The following CCDC7 variants were observed in gnomAD, a reference collection of about 807,000 sequenced individuals.
CCDC7 encodes coiled-coil domain-containing protein 7.
A neutral mutation model predicts 196.9 loss-of-function variants in CCDC7; 183 were observed. The ratio of observed to expected loss-of-function variants is 0.93; its 90% confidence interval spans 0.82 to 1.05. The LOEUF is 1.05. CCDC7 is among the 50% of genes least tolerant of loss of function. CCDC7 has a pLI of 0.00. For missense variants in CCDC7, 1,540 were observed against 1,482.2 expected (o/e 1.04, Z -0.64); for synonymous variants, 525 against 484.6 (o/e 1.08, Z -1.10).
intron 20 of CCDC7, among the ~76,000 whole-genome samples, chr10:32,652,444 A>T (rs1236761014): frequency 6.6e-6 from 1 of 151,734 alleles, no homozygotes; most frequent in Non-Finnish European, 1.5e-5. Context: ...CTTACTATTG[A>T]TATTTTGTTG....
At chr10:32,670,368 T>C (rs2073810190) in intron 21 of CCDC7, among the ~76,000 whole-genome samples, 1 of 151,928 alleles carries the variant, frequency 6.6e-6, no homozygotes, top group South Asian at 2.1e-4. Flanking sequence ...TTTCCTATAC[T>C]TTTATTTACT....
intron 8 of CCDC7, 121 bp from the exon 10 acceptor site, chr10:32,491,801 C>G (rs2042194211): frequency 1.2e-6 from 1 of 862,402 alleles, no homozygotes; most frequent in Non-Finnish European, 1.6e-6. Context: ...AGTCATGTAG[C>G]CCATGCTAGC....
intron 29 of CCDC7, 144 bp from the exon 31 acceptor site, chr10:32,804,871 G>A: frequency 1.7e-6 from 1 of 581,152 alleles, no homozygotes; most frequent in Non-Finnish European, 3.1e-6. Flanking sequence ...TAGTGATTTG[G>A]CAATTCAGAC....
intron 18 of CCDC7, among the ~76,000 whole-genome samples, chr10:32,587,390 G>A (rs749518862): frequency 1.3e-5 from 2 of 152,180 alleles, no homozygotes; most frequent in Non-Finnish European, 2.9e-5. Context: ...GGGTGAGAGA[G>A]CATGAGAGAG....
At position 32,511,267 on chromosome 10, in the gene CCDC7, G is replaced by GGT. The variant is rs1231084122; in HGVS notation, c.873-6677_873-6676insTG. The GGT allele has an allele frequency of 3.6e-5, 20 of 553,510 alleles. 4 individuals carry two copies. Among genetic ancestry groups the GGT allele is most frequent in the South Asian group, 2.8e-4 (12 of 43,206 alleles). The allele number at this position is 553,510 out of a possible 1,614,324, so 34.3% of individuals were successfully genotyped here. A position where few individuals can be genotyped will look rare whatever the true frequency, so the allele number is the denominator to read the frequency against. ...AGAATTATTCTGTGGGGGGCGGGGG[G>GGT]GGCGGGGAAATGTACTTTTTGAATA... is the stretch of plus-strand genomic sequence containing the variant. On this transcript the variant is annotated intron_variant, in intron 9 of 41. Transcript: ENST00000639629.
chr10:32,495,274 T>C (rs2042740005), intron 9 of CCDC7, among the ~76,000 whole-genome samples: 1 of 152,232 alleles, frequency 6.6e-6, no homozygotes, highest in South Asian at 2.1e-4. Context: ...AAATTCTTTG[T>C]AGATTCTGGA....
chr10:32,831,556 T>C (rs1322688536), intron 32 of CCDC7, among the ~76,000 whole-genome samples: 5 of 152,216 alleles, frequency 3.3e-5, no homozygotes, highest in African/African-American at 9.6e-5. Flanking sequence ...ATTTTCTTTT[T>C]CTATATCCTT....
intron 11 of CCDC7, among the ~76,000 whole-genome samples, chr10:32,528,158 T>C (rs1202266772): frequency 6.6e-6 from 1 of 152,208 alleles, no homozygotes; most frequent in East Asian, 1.9e-4. Flanking sequence ...CTTAATATAA[T>C]GGCCTCCAGT....
intron 29 of CCDC7, among the ~76,000 whole-genome samples, chr10:32,785,943 T>C (rs1337724318): frequency 6.6e-6 from 1 of 152,202 alleles, no homozygotes; most frequent in Non-Finnish European, 1.5e-5. Context: ...TATATAGTGC[T>C]GTTAATACCT....
At chr10:32,500,642 G>A (rs898732885) in intron 9 of CCDC7, among the ~76,000 whole-genome samples, 3 of 152,188 alleles carry the variant, frequency 2.0e-5, no homozygotes, top group African/African-American at 7.2e-5. Context: ...TCCAAGATGG[G>A]GTGGCGGCCG....
At chr10:32,775,566 A>G (rs56177012) in intron 28 of CCDC7, among the ~76,000 whole-genome samples, 10,209 of 152,258 alleles carry the variant, frequency 0.067, 449 homozygotes, top group Middle Eastern at 0.092. Flanking sequence ...CCTATATACT[A>G]TATAATCCAA....
intron 3 of CCDC7, 134 bp from the exon 5 acceptor site, chr10:32,462,549 A>G: frequency 3.0e-6 from 2 of 674,586 alleles, no homozygotes; most frequent in Non-Finnish European, 4.3e-6. Flanking sequence ...TTTCAACTAC[A>G]GATTTATAAA....
In CCDC7 at chr10:32,799,172, A is replaced by T. The variant is rs2084261799; in HGVS notation, c.3014-5843A>T. On this transcript the variant is annotated intron_variant, in intron 29 of 41. Transcript: ENST00000639629. Reference sequence around the variant, plus strand: ...ATTGTGACTTGATGACCCATAGTCAAATGTTTAGTTTCTACCAAAGCCCAG... The same window carrying T: ...ATTGTGACTTGATGACCCATAGTCATATGTTTAGTTTCTACCAAAGCCCAG... 3.3e-5 allele frequency among the ~76,000 whole-genome samples: 5 copies of T among 152,156 alleles called. No homozygotes were observed. The South Asian group carries it at 1.0e-3, about 32-fold the overall frequency.
At chr10:32,769,978 T>A (rs2078924023) in intron 28 of CCDC7, among the ~76,000 whole-genome samples, 1 of 152,214 alleles carries the variant, frequency 6.6e-6, no homozygotes, top group Admixed American at 6.5e-5. Flanking sequence ...TGATTTATAA[T>A]CCTTTAGGTA....
At chr10:32,770,513 G>A (rs928907735) in intron 28 of CCDC7, among the ~76,000 whole-genome samples, 1 of 152,230 alleles carries the variant, frequency 6.6e-6, no homozygotes, top group East Asian at 1.9e-4. Flanking sequence ...AAATTTATCA[G>A]GATTTGTTTT....
intron 33 of CCDC7, among the ~76,000 whole-genome samples, chr10:32,840,297 C>T (rs1424035494): frequency 6.6e-6 from 1 of 151,776 alleles, no homozygotes; most frequent in Non-Finnish European, 1.5e-5. Flanking sequence ...CAAATAAGCT[C>T]AATTAGAAAT....
intron 17 of CCDC7, 54 bp from the exon 19 acceptor site, chr10:32,584,178 A>G: frequency 2.3e-6 from 2 of 870,242 alleles, no homozygotes; most frequent in Non-Finnish European, 3.2e-6. Flanking sequence ...CAGTCTTGAT[A>G]TATATATATA....
At position 32,541,489 on chromosome 10, in the gene CCDC7, C is replaced by T. The variant is rs573552683; in HGVS notation, c.994-1811C>T. On this transcript the variant is annotated intron_variant, in intron 11 of 41. Transcript: ENST00000639629. ...GAGCAGGACTGCTGGGCTGGAAGCT[C>T]TAGCAAGCCTTACCCGCCTGGCTAC... 1.5e-3 allele frequency among the ~76,000 whole-genome samples: 221 copies of T among 152,306 alleles called. 2 individuals are homozygous for T. Among genetic ancestry groups the T allele is most frequent in the Admixed American group, 3.6e-3 (55 of 15,298 alleles).
intron 15 of CCDC7, among the ~76,000 whole-genome samples, chr10:32,568,298 C>A (rs962810549): frequency 6.6e-6 from 1 of 152,134 alleles, no homozygotes; most frequent in African/African-American, 2.4e-5. Flanking sequence ...AGCCACCGCG[C>A]CCGGCCTTTG....
Sources: allele counts gnomAD v4.1 joint callset (sites outside exome capture counted in the v4.1 genomes callset), GRCh38; gene constraint gnomAD v4.1.1; transcripts MANE v1.5; gene names NCBI Gene and HGNC (gene_info 2026-07-23, HGNC 2026-07-21).